RP9: variants seen among roughly 807,000 people sequenced by gnomAD.
The protein encoded by RP9 is retinitis pigmentosa 9 protein.
A neutral mutation model predicts 32.6 loss-of-function variants in RP9; 23 were observed. The ratio of observed to expected loss-of-function variants is 0.71; its 90% CI spans 0.51 to 1.00. The LOEUF is 1.00. RP9 is among the 50% of genes least tolerant of loss of function. The pLI, the probability that RP9 is intolerant of heterozygous loss-of-function variation, is 0.00. For missense variants in RP9, 245 were observed against 285.3 expected, an observed-to-expected ratio of 0.86 and a Z score of 1.02; for synonymous variants, 94 against 103.6, an observed-to-expected ratio of 0.91 and a Z score of 0.56.
In RP9 at chr7:33,108,348, T is replaced by C. The variant is rs1293131353; in HGVS notation, c.152+873A>G. 3.9e-5 allele frequency among the ~76,000 whole-genome samples: 6 copies of C among 152,202 alleles called. No homozygotes were observed. In the East Asian group the frequency reaches 1.2e-3, roughly 29 times the overall value. On this transcript the variant is annotated intron_variant, in intron 1 of 5. Transcript: ENST00000297157. ...TGTTAGAATTTAGGAAACGCCACCC[T>C]GATAAATGACTGCAAAAGACAAGAA... is the stretch of plus-strand genomic sequence containing the variant.
intron 1 of RP9, chr7:33,100,941 A>G (rs1562620477): frequency 7.9e-6 from 3 of 382,090 alleles, no homozygotes; most frequent in East Asian, 1.3e-4. Context: ...CCTCCTCCCA[A>G]AAGAGTAATA....
rs1336505644 is a variant in RP9 at position 33,094,802 on chromosome 7, AAAAT to A, written c.*428_*431del. 2 of 178,832 alleles carry A rather than the reference AAAAT, an allele frequency of 1.1e-5. No individual in the cohort carries two copies. Among genetic ancestry groups the A allele is most frequent in the South Asian group, 1.3e-4 (1 of 7,436 alleles). The allele number at this position is 178,832 out of a possible 1,614,324, so 11.1% of individuals were successfully genotyped here. A position where few individuals can be genotyped will look rare whatever the true frequency, so the allele number is the denominator to read the frequency against. The stretch of plus-strand genomic sequence containing the variant: ...TCATAAATAAATACATTCCATTTAA[AAAAT>A]AAATAATGAGCTTTTATTATTCTCA... On this transcript the variant is annotated 3_prime_UTR_variant, in exon 6 of 6. Transcript: ENST00000297157.
intron 1 of RP9, among the ~76,000 whole-genome samples, chr7:33,108,286 G>C (rs1402553592): frequency 6.6e-6 from 1 of 152,194 alleles, no homozygotes; most frequent in Non-Finnish European, 1.5e-5. Flanking sequence ...GACAAGAACT[G>C]AAAGAGTTGC....
chr7:33,105,033 A>G (rs1374706119), intron 1 of RP9, among the ~76,000 whole-genome samples: 1 of 152,218 alleles, frequency 6.6e-6, no homozygotes, highest in African/African-American at 2.4e-5. Context: ...CTTTGGTAAA[A>G]TGTGAGAGTA....
Position 33,097,312 on chromosome 7 carries a change from A to T in RP9, c.364T>A (p.Phe122Ile). Residue 122 changes from phenylalanine (F) to isoleucine (I), a missense_variant, in exon 4 of 6, where the codon TTC becomes ATC. Phe to Ile is a conservative substitution (Grantham distance 21). Transcript: ENST00000297157. ...AACTTTTGGTTGCCTTTGATAAAGA[A>T]AGGGCATTCTTTGTCACCCGTTCGG... ...GHRTGDKECP[F>I]FIKGNQKLEQ... 6 of 1,614,106 alleles carry T rather than the reference A, an allele frequency of 3.7e-6. No homozygotes were observed. Among genetic ancestry groups the T allele is most frequent in the Non-Finnish European group, 5.1e-6 (6 of 1,179,944 alleles).
chr7:33,097,342 C>T lies in RP9; in HGVS notation c.334G>A (p.Gly112Ser), dbSNP rs767294005. 6.2e-7 allele frequency: 1 copy of T among 1,613,542 alleles called. No homozygotes were observed. The highest frequency in any genetic ancestry group is 1.3e-5 in the African/African-American group (1 of 74,906). ...CATTCTTTGTCACCCGTTCGGTGAC[C>T]ATAGCGTTTGCAACGCCAACCTAAA... ...VMQCWRCKRY[G>S]HRTGDKECPF... The change falls in exon 4 of 6, where the codon GGT becomes AGT. Residue 112 changes from glycine (G) to serine (S), a missense_variant. Physicochemically the swap from Gly to Ser is moderately conservative, Grantham distance 56. Around this residue, in one of 2 missense-constraint regions of RP9, gnomAD observed 182 missense variants for 175.5 expected, o/e 1.04. Coordinates refer to ENST00000297157, the MANE Select transcript of RP9 (RefSeq NM_203288.2).
In RP9 at chr7:33,101,898, CATT is replaced by C. The variant is rs769009414; in HGVS notation, c.153-1340_153-1338del. On this transcript the variant is annotated intron_variant, in intron 1 of 5. Transcript: ENST00000297157. ...TTTATCTGTAGCCATTCATTAGAAACATTAATGCTATACCTTATGCATAGAGAC... is the reference window on the plus strand; with the variant it reads ...TTTATCTGTAGCCATTCATTAGAAACAATGCTATACCTTATGCATAGAGAC... Among the ~76,000 whole-genome samples the C allele has an allele frequency of 7.2e-5, 11 of 152,294 alleles. No homozygotes were observed. In the East Asian group the frequency reaches 2.1e-3, roughly 29 times the overall value.
chr7:33,095,034 G>T lies in RP9; in HGVS notation c.*200C>A, dbSNP rs1788308181. 1.7e-6 allele frequency: 1 copy of T among 598,796 alleles called. No individual in the cohort carries two copies. The highest frequency in any genetic ancestry group is 3.0e-6 in the Non-Finnish European group (1 of 332,138). The allele number at this position is 598,796 out of a possible 1,614,324, so 37.1% of individuals were successfully genotyped here. A position where few individuals can be genotyped will look rare whatever the true frequency, so the allele number is the denominator to read the frequency against. On this transcript the variant is annotated 3_prime_UTR_variant, in exon 6 of 6. Transcript: ENST00000297157. ...GAAACTTTCCTGCCTAAAATCAGCT[G>T]CTGTCCAGAGCTAGCACCTGGAAGG...
intron 3 of RP9, 148 bp downstream of exon 3, chr7:33,099,159 G>C (rs1397091297): frequency 2.3e-6 from 2 of 867,462 alleles, no homozygotes; most frequent in Non-Finnish European, 3.8e-6. Flanking sequence ...GTGGGGGGTG[G>C]GGTGGATGCT....
At chr7:33,096,977 C>T (rs906533688) in intron 4 of RP9, among the ~76,000 whole-genome samples, 2 of 152,170 alleles carry the variant, frequency 1.3e-5, no homozygotes, top group African/African-American at 4.8e-5. Context: ...CTTTTTTACA[C>T]AGTAAATTTT....
rs2128032428 is a variant in RP9, at chr7:33,099,455, A to G, written c.184-19T>C. On this transcript the variant is annotated intron_variant, in intron 2 of 5. Transcript: ENST00000297157. ...CATCTTCCTAAAAAAGGGAACAGGTATAAACAGCATGGCAAGAGCGCTGGG... is the reference window on the plus strand; with the variant it reads ...CATCTTCCTAAAAAAGGGAACAGGTGTAAACAGCATGGCAAGAGCGCTGGG... The G allele has an allele frequency of 6.2e-7, 1 of 1,613,726 alleles. No individual in the cohort carries two copies. Among genetic ancestry groups the G allele is most frequent in the Non-Finnish European group, 8.5e-7 (1 of 1,179,972 alleles).
At position 33,095,376 on chromosome 7, in the gene RP9, C is replaced by T; in HGVS notation, c.524G>A (p.Ser175Asn). The T allele has an allele frequency of 1.2e-6, 2 of 1,613,858 alleles. No homozygotes were observed. The highest frequency in any genetic ancestry group is 1.7e-6 in the Non-Finnish European group (2 of 1,179,874). ...EDSTSDEDRS[S>N]SSSSEGKEKH... Reference sequence around the variant, plus strand: ...CTCTTTACCTTCAGAGGAACTGGAGCTGCTCCTATCTTCATCTGAGGTAGA... The same window carrying T: ...CTCTTTACCTTCAGAGGAACTGGAGTTGCTCCTATCTTCATCTGAGGTAGA... Residue 175 changes from serine (S) to asparagine (N), a missense_variant, in exon 6 of 6, where the codon AGC becomes AAC. Ser to Asn is a conservative substitution (Grantham distance 46, BLOSUM62 1). Transcript: ENST00000297157.
At position 33,109,182 on chromosome 7, in the gene RP9, A is replaced by G. The variant is rs1457312620; in HGVS notation, c.152+39T>C. On this transcript the variant is annotated intron_variant, in intron 1 of 5. Coordinates refer to ENST00000297157, the MANE Select transcript of RP9 (RefSeq NM_203288.2). The surrounding 1 kb of genome is among the most constrained non-coding windows in gnomAD (Gnocchi z 4.9). Reference sequence around the variant, plus strand: ...TCCCGCGCCCCGGGCCCCTGGCTTCAGAAGACTGGCCGCGCGCGGACGGCA... The same window carrying G: ...TCCCGCGCCCCGGGCCCCTGGCTTCGGAAGACTGGCCGCGCGCGGACGGCA... 3 of 1,481,440 alleles carry G rather than the reference A, an allele frequency of 2.0e-6. No homozygotes were observed. Among genetic ancestry groups the G allele is most frequent in the Non-Finnish European group, 2.7e-6 (3 of 1,117,440 alleles). 91.8% of individuals were successfully genotyped at this position (1,481,440 alleles called of 1,614,324 possible).
At chr7:33,098,408 A>T (rs987243940) in intron 3 of RP9, among the ~76,000 whole-genome samples, 6 of 152,146 alleles carry the variant, frequency 3.9e-5, no homozygotes, top group African/African-American at 1.4e-4. Flanking sequence ...AAGGTTGTTT[A>T]ATGTGTGGAA....
chr7:33,105,140 A>G (rs899995833), intron 1 of RP9, among the ~76,000 whole-genome samples: 3 of 152,188 alleles, frequency 2.0e-5, no homozygotes, highest in East Asian at 1.9e-4. Flanking sequence ...AGGTCTAAAA[A>G]GTAACCAGTG....
At chr7:33,103,372 T>C (rs1385040304) in intron 1 of RP9, among the ~76,000 whole-genome samples, 2 of 152,200 alleles carry the variant, frequency 1.3e-5, no homozygotes, top group African/African-American at 4.8e-5. Flanking sequence ...AATCTCCAAC[T>C]ACTGACATTT....
chr7:33,097,361 A>G lies in RP9; in HGVS notation c.315T>C (p.Cys105=), dbSNP rs754518979. Residue 105 remains cysteine, a splice_region_variant and synonymous_variant, in exon 4 of 6, where the codon TGT becomes TGC. Transcript: ENST00000297157. ...PLGKEVKVMQ[C]WRCKRYGHRT... ...GGTGACCATAGCGTTTGCAACGCCA[A>G]CCTAAAAACGAAAAGAGAAATATTT... 5 of 1,610,292 alleles carry G rather than the reference A, an allele frequency of 3.1e-6. No individual in the cohort carries two copies. The Admixed American group carries it at 6.7e-5, about 21-fold the overall frequency.
chr7:33,097,305 A>G lies in RP9; in HGVS notation c.371T>C (p.Ile124Thr). Residue 124 changes from isoleucine to threonine, a missense_variant, in exon 4 of 6, where the codon ATC (isoleucine) becomes ACC (threonine). Ile to Thr is a moderately conservative substitution (Grantham distance 89). Coordinates refer to ENST00000297157, the MANE Select transcript of RP9 (RefSeq NM_203288.2). ...RTGDKECPFF[I>T]KGNQKLEQFR... Reference sequence around the variant, plus strand: ...CTGCTCTAACTTTTGGTTGCCTTTGATAAAGAAAGGGCATTCTTTGTCACC... The same window carrying G: ...CTGCTCTAACTTTTGGTTGCCTTTGGTAAAGAAAGGGCATTCTTTGTCACC... The G allele has an allele frequency of 6.2e-7, 1 of 1,614,058 alleles. No individual in the cohort carries two copies. Among genetic ancestry groups the G allele is most frequent in the African/African-American group, 1.3e-5 (1 of 75,052 alleles).
intron 1 of RP9, among the ~76,000 whole-genome samples, chr7:33,106,225 G>T (rs1788496189): frequency 6.6e-6 from 1 of 151,872 alleles, no homozygotes; most frequent in Admixed American, 6.6e-5. Flanking sequence ...TGGAGTCCTG[G>T]AGTGCAGCCA....
Sources: gnomAD v4.1 joint callset for allele counts (sites outside exome capture counted in the v4.1 genomes callset) on GRCh38, gnomAD v4.1.1 for gene constraint, gnomAD v4.1.1 regional missense constraint, Gnocchi (gnomAD v3.1) non-coding constraint, MANE v1.5 for transcripts, NCBI Gene and HGNC (gene_info 2026-07-23, HGNC 2026-07-21) for gene names.